Variants in CRIM1 observed in about 807,000 individuals in gnomAD.
CRIM1 encodes cysteine rich transmembrane BMP regulator 1.
Under a neutral mutation model 116.4 loss-of-function variants are expected in CRIM1, and 32 were observed. The observed-to-expected ratio is 0.27, with a 90% CI of 0.21 to 0.37. The LOEUF (loss-of-function observed/expected upper bound fraction) is 0.37. Ranked by LOEUF, CRIM1 falls within the 10% of genes least tolerant of loss-of-function variation. The pLI is 1.00. For synonymous variants in CRIM1, 590 were observed against 509.2 expected, an observed-to-expected ratio of 1.16 and a Z score of -2.13; for missense variants, 1,331 against 1,354.8, an observed-to-expected ratio of 0.98 and a Z score of 0.28.
intron 1 of CRIM1, among the ~76,000 whole-genome samples, chr2:36,379,926 T>C: frequency 6.6e-6 from 1 of 151,340 alleles, no homozygotes; most frequent in Non-Finnish European, 1.5e-5. Context: ...AAAAGGTATG[T>C]TTATGGGAGG....
At chr2:36,495,952 A>G (rs535261895) in intron 7 of CRIM1, among the ~76,000 whole-genome samples, 56 of 152,296 alleles carry the variant, frequency 3.7e-4, no homozygotes, top group African/African-American at 1.0e-3. Flanking sequence ...TACTCTGGCT[A>G]TGGTCTCACA....
intron 10 of CRIM1, 44 bp from the exon 11 acceptor site, chr2:36,513,512 G>T (rs1182904861): frequency 6.6e-7 from 1 of 1,526,198 alleles, no homozygotes; most frequent in Admixed American, 1.7e-5. Flanking sequence ...TGTTTCTCCT[G>T]TGCAGTAGCC....
intron 2 of CRIM1, among the ~76,000 whole-genome samples, chr2:36,403,072 A>G (rs1672536662): frequency 6.6e-6 from 1 of 152,208 alleles, no homozygotes; most frequent in Admixed American, 6.5e-5. Flanking sequence ...ATAGAAAAAT[A>G]AGAATAACCT....
At chr2:36,422,994 A>T (rs533065208) in intron 2 of CRIM1, among the ~76,000 whole-genome samples, 96 of 152,352 alleles carry the variant, frequency 6.3e-4, no homozygotes, top group Non-Finnish European at 4.6e-4. Context: ...TTTTAAGCAT[A>T]TAAGTAGCGT....
chr2:36,427,814 A>G (rs1479396097), intron 2 of CRIM1, among the ~76,000 whole-genome samples: 1 of 152,162 alleles, frequency 6.6e-6, no homozygotes, highest in East Asian at 1.9e-4. Context: ...CTTGTATTCC[A>G]TCTTGCAGGC....
intron 1 of CRIM1, among the ~76,000 whole-genome samples, chr2:36,360,678 G>C (rs375673003): frequency 2.6e-5 from 4 of 152,232 alleles, no homozygotes; most frequent in South Asian, 4.1e-4. Context: ...TGCGGGATCT[G>C]CTCCAGAAAG....
intron 2 of CRIM1, among the ~76,000 whole-genome samples, chr2:36,428,265 A>ATTTGGC (rs1472769314): frequency 6.6e-6 from 1 of 152,206 alleles, no homozygotes; most frequent in African/African-American, 2.4e-5. Flanking sequence ...TGGGCAAGTC[A>ATTTGGC]TTTGGCTTTT....
At chr2:36,382,196 G>C (rs1670831860) in intron 1 of CRIM1, among the ~76,000 whole-genome samples, 1 of 152,232 alleles carries the variant, frequency 6.6e-6, no homozygotes, top group Non-Finnish European at 1.5e-5. Flanking sequence ...GGAACCACTA[G>C]CAGATCATGC....
intron 2 of CRIM1, among the ~76,000 whole-genome samples, chr2:36,421,167 T>C (rs1674034561): frequency 6.6e-6 from 1 of 152,238 alleles, no homozygotes; most frequent in Admixed American, 6.5e-5. Context: ...ACTTGTAAGA[T>C]GAATACAGAG....
At chr2:36,544,731 A>T (rs1357398348) in intron 15 of CRIM1, among the ~76,000 whole-genome samples, 3 of 152,200 alleles carry the variant, frequency 2.0e-5, no homozygotes, top group African/African-American at 7.2e-5. Context: ...GTGCTCAGAG[A>T]CTTTGTGATG....
At chr2:36,441,218 C>T in intron 2 of CRIM1, 40 bp from the exon 3 acceptor site, 1 of 1,611,488 alleles carries the variant, frequency 6.2e-7, no homozygotes, top group Non-Finnish European at 8.5e-7. Context: ...GTGCCCCACA[C>T]TGCCCTGGGC....
intron 13 of CRIM1, among the ~76,000 whole-genome samples, chr2:36,530,034 ATTTT>A (rs966218977): frequency 6.6e-6 from 1 of 151,674 alleles, no homozygotes; most frequent in Non-Finnish European, 1.5e-5. Flanking sequence ...TTAAGATCAG[ATTTT>A]TTTTTATTGG....
intron 15 of CRIM1, among the ~76,000 whole-genome samples, chr2:36,545,408 C>T (rs1002232615): frequency 5.3e-5 from 8 of 152,048 alleles, no homozygotes; most frequent in African/African-American, 1.7e-4. Context: ...TATGCCAGAC[C>T]CTGTTCTAGA....
In CRIM1 at chr2:36,456,274, A is replaced by T. The variant is rs181209380; in HGVS notation, c.870-8260A>T. ...CCCTGTGTATCCCCAGCCGCAATCC[A>T]GCTTAGTACCTGCTGCATGTACACA... On this transcript the variant is annotated intron_variant, in intron 4 of 16. Transcript: ENST00000280527. Among the ~76,000 whole-genome samples, 7 of 152,320 alleles carry T rather than the reference A, an allele frequency of 4.6e-5. No individual in the cohort carries two copies. In the East Asian group the frequency reaches 1.4e-3, roughly 29 times the overall value.
intron 1 of CRIM1, among the ~76,000 whole-genome samples, chr2:36,376,015 C>T (rs1233404319): frequency 6.6e-6 from 1 of 152,084 alleles, no homozygotes; most frequent in Admixed American, 6.5e-5. Flanking sequence ...AATTGTGTCT[C>T]CAGGATGAAT....
At chr2:36,359,969 A>G (rs1265472141) in intron 1 of CRIM1, among the ~76,000 whole-genome samples, 1 of 152,230 alleles carries the variant, frequency 6.6e-6, no homozygotes, top group Non-Finnish European at 1.5e-5. Flanking sequence ...ATCACCTAGA[A>G]GCCAGAGAAA....
At chr2:36,410,044 A>T (rs1673091959) in intron 2 of CRIM1, among the ~76,000 whole-genome samples, 1 of 152,176 alleles carries the variant, frequency 6.6e-6, no homozygotes, top group Non-Finnish European at 1.5e-5. Context: ...CCTGCTTTTG[A>T]TTCGTGGTTT....
At chr2:36,534,453 G>T (rs1249453339) in intron 13 of CRIM1, among the ~76,000 whole-genome samples, 2 of 138,794 alleles carry the variant, frequency 1.4e-5, no homozygotes. Flanking sequence ...GGGAGAGAGG[G>T]AGGGGAGGGA....
intron 7 of CRIM1, among the ~76,000 whole-genome samples, chr2:36,487,367 A>T (rs766666346): frequency 6.6e-6 from 1 of 152,190 alleles, no homozygotes; most frequent in Non-Finnish European, 1.5e-5. Flanking sequence ...TCCTTTCACA[A>T]GTTATATGGG....
Sources: gnomAD v4.1 joint callset for allele counts (sites outside exome capture counted in the v4.1 genomes callset) on GRCh38, gnomAD v4.1.1 for gene constraint, MANE v1.5 for transcripts, NCBI Gene and HGNC (gene_info 2026-07-23, HGNC 2026-07-21) for gene names.